The following TLN2 variants were observed in gnomAD, a reference collection of about 807,000 sequenced individuals.
The protein encoded by TLN2 is talin 2.
A neutral mutation model predicts 294.7 loss-of-function variants in TLN2; 118 were observed. The ratio of observed to expected loss-of-function variants is 0.40; its 90% CI spans 0.34 to 0.47. The LOEUF is 0.47. Ranked by LOEUF, TLN2 falls within the 20% of genes least tolerant of loss-of-function variation. The pLI is 0.84. For synonymous variants in TLN2, 1,431 were observed against 1,304.5 expected (o/e 1.10, Z -2.09); for missense variants, 3,083 against 3,282.2 (o/e 0.94, Z 1.48).
intron 28 of TLN2, among the ~76,000 whole-genome samples, chr15:62,736,450 G>A (rs577930759): frequency 6.6e-6 from 1 of 152,248 alleles, no homozygotes; most frequent in East Asian, 1.9e-4. Context: ...ACCAATTCAC[G>A]GAGCTGCACA....
chr15:62,540,928 A>G (rs966070736), intron 1 of TLN2, among the ~76,000 whole-genome samples: 7 of 152,086 alleles, frequency 4.6e-5, no homozygotes, highest in Admixed American at 3.9e-4. Context: ...CCCCAGTCCA[A>G]CTCAGCTCTG....
chr15:62,655,818 AACTATAACT>A (rs1289939691), intron 7 of TLN2, 117 bp from the exon 8 acceptor site: 2 of 1,087,936 alleles, frequency 1.8e-6, no homozygotes, highest in African/African-American at 3.1e-5. Flanking sequence ...AATAAGAAAT[AACTATAACT>A]ACTATAACTA....
At chr15:62,799,872 G>A (rs975490029) in intron 48 of TLN2, among the ~76,000 whole-genome samples, 9 of 152,310 alleles carry the variant, frequency 5.9e-5, no homozygotes, top group Admixed American at 2.6e-4. Context: ...GCAAAGGTCC[G>A]AAACAGGAAT....
chr15:62,694,914 G>A (rs1448334523), intron 14 of TLN2, among the ~76,000 whole-genome samples: 4 of 152,112 alleles, frequency 2.6e-5, no homozygotes, highest in African/African-American at 9.7e-5. Context: ...TGTGGCCCTG[G>A]GAAAGTTACT....
At chr15:62,564,902 T>C (rs2043253969) in intron 1 of TLN2, among the ~76,000 whole-genome samples, 3 of 76,484 alleles carry the variant, frequency 3.9e-5, no homozygotes, top group Admixed American at 1.4e-4. Context: ...AAAAACTCCA[T>C]CTCAAAAAAA....
intron 31 of TLN2, among the ~76,000 whole-genome samples, chr15:62,740,283 T>C (rs2061253906): frequency 6.6e-6 from 1 of 152,210 alleles, no homozygotes; most frequent in South Asian, 2.1e-4. Flanking sequence ...TTGAGCAAGA[T>C]GCTGGAATCG....
intron 1 of TLN2, among the ~76,000 whole-genome samples, chr15:62,555,341 C>CT (rs1384719078): frequency 1.3e-5 from 2 of 151,972 alleles, no homozygotes; most frequent in African/African-American, 2.4e-5. Flanking sequence ...TTATATTAAC[C>CT]TTTTTTTGTC....
intron 7 of TLN2, 32 bp downstream of exon 7, chr15:62,653,346 C>T (rs201498792): frequency 3.4e-5 from 54 of 1,587,288 alleles, no homozygotes; most frequent in Non-Finnish European, 4.5e-5. Context: ...ATGATACAGA[C>T]ACACAGGCTT....
At chr15:62,551,170 C>A (rs2042275410) in intron 1 of TLN2, among the ~76,000 whole-genome samples, 1 of 152,094 alleles carries the variant, frequency 6.6e-6, no homozygotes, top group African/African-American at 2.4e-5. Context: ...GGAGGCGGAT[C>A]TCAGGTGGTA....
At chr15:62,729,744 G>A (rs2060616995) in intron 28 of TLN2, among the ~76,000 whole-genome samples, 1 of 152,088 alleles carries the variant, frequency 6.6e-6, no homozygotes, top group Admixed American at 6.5e-5. Context: ...TATAGGTAGT[G>A]TAATTACTGA....
Position 62,841,630 on chromosome 15 carries a change from C to T in TLN2, c.*1020C>T, listed in dbSNP as rs954302703. 2.0e-5 allele frequency: 3 copies of T among 152,154 alleles called. No individual in the cohort carries two copies. The highest frequency in any genetic ancestry group is 4.4e-5 in the Non-Finnish European group (3 of 68,032). 9.4% of individuals were successfully genotyped at this position (152,154 alleles called of 1,614,324 possible). Reference sequence around the variant, plus strand: ...AATATCCAGAAAATCTAAATGCATCCTAAAATCAATGTGAACCTTTAACAA... The same window carrying T: ...AATATCCAGAAAATCTAAATGCATCTTAAAATCAATGTGAACCTTTAACAA... On this transcript the variant is annotated 3_prime_UTR_variant, in exon 59 of 59. Transcript: ENST00000636159.
chr15:62,702,484 G>A (rs1255791697), intron 18 of TLN2, among the ~76,000 whole-genome samples: 1 of 152,194 alleles, frequency 6.6e-6, no homozygotes, highest in African/African-American at 2.4e-5. Flanking sequence ...ATAGAAGTTT[G>A]CACCCTAATT....
At chr15:62,769,446 C>G (rs2063213503) in intron 41 of TLN2, among the ~76,000 whole-genome samples, 1 of 152,206 alleles carries the variant, frequency 6.6e-6, no homozygotes, top group Non-Finnish European at 1.5e-5. Flanking sequence ...CATGTCTGCC[C>G]AAAGGACCCC....
rs750169478 is a variant in TLN2, at chr15:62,762,422, G to A, written c.4930G>A (p.Asp1644Asn). Reference sequence around the variant, plus strand: ...GGCTGGACATTCCCATACAGTGTCCGACTCCATCAAGAGTCTCATCACTTC... The same window carrying A: ...GGCTGGACATTCCCATACAGTGTCCAACTCCATCAAGAGTCTCATCACTTC... ...VLAGHSHTVS[D>N]SIKSLITSIR... Residue 1644 changes from aspartate (D) to asparagine (N), a missense_variant, in exon 39 of 59, where the codon GAC (aspartate) becomes AAC (asparagine). By Grantham distance (23) the Asp-to-Asn change is conservative. Coordinates refer to ENST00000636159, the MANE Select transcript of TLN2 (RefSeq NM_015059.3). 36 of 1,613,994 alleles carry A rather than the reference G, an allele frequency of 2.2e-5. No homozygotes were observed. The Admixed American group carries it at 2.7e-4, about 12-fold the overall frequency.
intron 1 of TLN2, among the ~76,000 whole-genome samples, chr15:62,483,541 A>G (rs1008473176): frequency 6.6e-6 from 1 of 152,200 alleles, no homozygotes; most frequent in African/African-American, 2.4e-5. Flanking sequence ...TGAAATGCAA[A>G]TCATCAAAAG....
intron 11 of TLN2, among the ~76,000 whole-genome samples, chr15:62,682,704 C>T (rs1298725658): frequency 6.6e-6 from 1 of 152,164 alleles, no homozygotes; most frequent in Non-Finnish European, 1.5e-5. Context: ...TCATTGCCTT[C>T]TTTTGCATTT....
chr15:62,660,939 T>C (rs1008741399), intron 9 of TLN2, among the ~76,000 whole-genome samples: 33 of 152,236 alleles, frequency 2.2e-4, no homozygotes, highest in African/African-American at 8.0e-4. Flanking sequence ...AAGTGCAGGA[T>C]GGTCTATTCA....
intron 2 of TLN2, among the ~76,000 whole-genome samples, chr15:62,597,553 C>T (rs2046636260): frequency 6.6e-6 from 1 of 152,182 alleles, no homozygotes; most frequent in East Asian, 1.9e-4. Context: ...CTTGCTCTCA[C>T]AGCCCGCCCT....
At chr15:62,706,954 CA>C (rs1315821693) in intron 19 of TLN2, 131 bp from the exon 20 acceptor site, 151 of 1,129,352 alleles carry the variant, frequency 1.3e-4, no homozygotes, top group South Asian at 3.0e-4. Flanking sequence ...GTTGACATTT[CA>C]AAAAAAAGTA....
Sources: gnomAD v4.1 joint callset for allele counts (sites outside exome capture counted in the v4.1 genomes callset) on GRCh38, gnomAD v4.1.1 for gene constraint, MANE v1.5 for transcripts, NCBI Gene and HGNC (gene_info 2026-07-23, HGNC 2026-07-21) for gene names.